Variants in REL observed in about 807,000 individuals in gnomAD.
REL encodes REL proto-oncogene, NF-kB subunit, also known as proto-oncogene c-Rel.
In REL, 15 loss-of-function variants were observed where a neutral mutation model predicts 45.9. That is an observed-to-expected ratio of 0.33 (90% CI 0.22 to 0.50). REL has a LOEUF of 0.50. Ranked by LOEUF, REL falls within the 20% of genes least tolerant of loss-of-function variation. The pLI is 0.98. For synonymous variants in REL, 239 were observed against 242.1 expected, an observed-to-expected ratio of 0.99 and a Z score of 0.12; for missense variants, 601 against 715.2, an observed-to-expected ratio of 0.84 and a Z score of 1.82.
chr2:60,884,521 C>G (rs1037827270), intron 1 of REL, among the ~76,000 whole-genome samples: 1 of 151,874 alleles, frequency 6.6e-6, no homozygotes, highest in African/African-American at 2.4e-5. Flanking sequence ...GTTCCCAAAC[C>G]CATCTAAGGT....
In REL at chr2:60,881,787, G is replaced by T; in HGVS notation, c.-54G>T. 1 of 1,521,208 alleles carries T rather than the reference G, an allele frequency of 6.6e-7. No homozygotes were observed. Among genetic ancestry groups the T allele is most frequent in the African/African-American group, 1.4e-5 (1 of 71,226 alleles). 94.2% of individuals were successfully genotyped at this position (1,521,208 alleles called of 1,614,324 possible). On this transcript the variant is annotated 5_prime_UTR_variant, in exon 1 of 10. Coordinates refer to ENST00000394479, the MANE Select transcript of REL (RefSeq NM_001291746.2). ...GCCTCCTGACTGACTGACTGCGGCC[G>T]CCTCCGGCCAGGACGCTGGGAGCTG...
chr2:60,920,350 G>GC, intron 8 of REL: 4 of 616,516 alleles, frequency 6.5e-6, no homozygotes, highest in Non-Finnish European at 1.2e-5. Flanking sequence ...ACAGGCATGT[G>GC]CCACCACACC....
chr2:60,929,326 T>C lies in REL; in HGVS notation c.*6791T>C. 1 of 141,042 alleles carries C rather than the reference T, an allele frequency of 7.1e-6. No homozygotes were observed. Among genetic ancestry groups the C allele is most frequent in the Non-Finnish European group, 1.6e-5 (1 of 64,468 alleles). The allele number at this position is 141,042 out of a possible 1,614,324, so 8.7% of individuals were successfully genotyped here. On this transcript the variant is annotated 3_prime_UTR_variant, in exon 10 of 10. Coordinates refer to ENST00000394479, the MANE Select transcript of REL (RefSeq NM_001291746.2). ...CCCAGCCATCCCATTACTGGGTATA[T>C]ACCCAAAGGACTATAAATCATGCTG...
At position 60,922,239 on chromosome 2, in the gene REL, C is replaced by T. The variant is rs1264178405; in HGVS notation, c.1468C>T (p.Pro490Ser). 2.5e-6 allele frequency: 4 copies of T among 1,613,906 alleles called. No individual in the cohort carries two copies. Among genetic ancestry groups the T allele is most frequent in the East Asian group, 4.5e-5 (2 of 44,880 alleles). ...PRLLSMNLEN[P>S]SCNSVLDPRD... The stretch of plus-strand genomic sequence containing the variant: ...ACTTCTGAGCATGAATCTTGAAAAC[C>T]CCTCATGTAATTCAGTGTTAGACCC... The change falls in exon 10 of 10, where the codon CCC (proline) becomes TCC (serine). Residue 490 changes from proline (P) to serine (S), a missense_variant. Around this residue, in one of 4 missense-constraint regions of REL, gnomAD observed 334 missense variants for 333.1 expected, o/e 1.00. Coordinates refer to ENST00000394479, the MANE Select transcript of REL (RefSeq NM_001291746.2).
At chr2:60,916,431 C>T (rs1297871868) in intron 4 of REL, among the ~76,000 whole-genome samples, 1 of 152,120 alleles carries the variant, frequency 6.6e-6, no homozygotes, top group East Asian at 1.9e-4. Context: ...ACGAACTAAA[C>T]TCAGTTCCTC....
At position 60,922,717 on chromosome 2, in the gene REL, A is replaced by T. The variant is rs1674177922; in HGVS notation, c.*182A>T. ...AGGGAAGAAGCATACAACTTTGGAC[A>T]TAGCGAATACAAAATTGGAAGCTGT... is the stretch of plus-strand genomic sequence containing the variant. On this transcript the variant is annotated 3_prime_UTR_variant, in exon 10 of 10. Transcript: ENST00000394479. 3.3e-6 allele frequency: 4 copies of T among 1,226,040 alleles called. No homozygotes were observed. The South Asian group carries it at 1.1e-4, about 34-fold the overall frequency. 75.9% of individuals were successfully genotyped at this position (1,226,040 alleles called of 1,614,324 possible). A position where few individuals can be genotyped will look rare whatever the true frequency, so the allele number is the denominator to read the frequency against.
rs781444204 is a variant in REL, at chr2:60,921,891, C to A, written c.1120C>A (p.Pro374Thr). Residue 374 changes from proline to threonine, a missense_variant, in exon 10 of 10, where the codon CCT becomes ACT. Physicochemically the swap from Pro to Thr is conservative, Grantham distance 38. This residue lies in a region of REL where 334 missense variants were observed against 333.1 expected (regional missense o/e 1.00). Transcript: ENST00000394479. ...SGLSHHASMA[P>T]LPSSSWSSVA... is the part of the protein sequence containing the mutation. ...ATTGTCACATCATGCCTCAATGGCACCTCTGCCTTCTTCAAGCTGGTCATC... is the reference window on the plus strand; with the variant it reads ...ATTGTCACATCATGCCTCAATGGCAACTCTGCCTTCTTCAAGCTGGTCATC... 1 of 1,614,098 alleles carries A rather than the reference C, an allele frequency of 6.2e-7. No individual in the cohort carries two copies. The highest frequency in any genetic ancestry group is 8.5e-7 in the Non-Finnish European group (1 of 1,180,034).
At position 60,922,219 on chromosome 2, in the gene REL, T is replaced by C; in HGVS notation, c.1448T>C (p.Leu483Pro). 6.2e-7 allele frequency: 1 copy of C among 1,614,196 alleles called. No individual in the cohort carries two copies. The highest frequency in any genetic ancestry group is 8.5e-7 in the Non-Finnish European group (1 of 1,180,032). Residue 483 changes from leucine (L) to proline (P), a missense_variant, in exon 10 of 10, where the codon CTG becomes CCG. Leu to Pro is a moderately conservative substitution (Grantham distance 98). Around this residue, in one of 4 missense-constraint regions of REL, gnomAD observed 334 missense variants for 333.1 expected, o/e 1.00. Transcript: ENST00000394479. ...GGAGAGACTGATAATCCAAGACTTCTGAGCATGAATCTTGAAAACCCCTCA... is the reference window on the plus strand; with the variant it reads ...GGAGAGACTGATAATCCAAGACTTCCGAGCATGAATCTTGAAAACCCCTCA... ...SMGETDNPRL[L>P]SMNLENPSCN...
At chr2:60,909,143 T>C (rs1673737824) in intron 4 of REL, among the ~76,000 whole-genome samples, 1 of 152,196 alleles carries the variant, frequency 6.6e-6, no homozygotes, top group Admixed American at 6.5e-5. Context: ...ATAATTTTAG[T>C]TTATGTATCT....
At position 60,925,913 on chromosome 2, in the gene REL, T is replaced by TG. The variant is rs1362170004; in HGVS notation, c.*3379dup. 4.4e-6 allele frequency: 1 copy of TG among 225,792 alleles called. No individual in the cohort carries two copies. Among genetic ancestry groups the TG allele is most frequent in the Non-Finnish European group, 8.8e-6 (1 of 113,188 alleles). 14.0% of individuals were successfully genotyped at this position (225,792 alleles called of 1,614,324 possible). A position where few individuals can be genotyped will look rare whatever the true frequency, so the allele number is the denominator to read the frequency against. On this transcript the variant is annotated 3_prime_UTR_variant, in exon 10 of 10. Transcript: ENST00000394479. ...AAATAAGTGTTGGCTAGTTTTGCGG[T>TG]GTAAGCAGAATTAAGGTTCTGCTAC...
chr2:60,889,609 C>G (rs536324262), intron 1 of REL, among the ~76,000 whole-genome samples: 1 of 151,966 alleles, frequency 6.6e-6, no homozygotes, highest in African/African-American at 2.4e-5. Context: ...TGCTTTCCCT[C>G]CCCCCTTCCC....
chr2:60,916,694 A>C (rs1673970383), intron 4 of REL, among the ~76,000 whole-genome samples, 183 bp from the exon 5 acceptor site: 1 of 152,202 alleles, frequency 6.6e-6, no homozygotes. Flanking sequence ...AAATACTGTT[A>C]GATAGTGATT....
At chr2:60,905,024 T>C (rs1043246742) in intron 4 of REL, among the ~76,000 whole-genome samples, 1 of 152,174 alleles carries the variant, frequency 6.6e-6, no homozygotes, top group African/African-American at 2.4e-5. Flanking sequence ...GGATGAATAT[T>C]GATTTGGGGA....
rs148958142 is a variant in REL, at chr2:60,894,635, G to T, written c.302+90G>T. On this transcript the variant is annotated intron_variant, in intron 3 of 9. Transcript: ENST00000394479. ...CATGACAATCTGTTACTTTTTAGCA[G>T]AATAATTTTCTCATTCTACTTCTAT... The T allele has an allele frequency of 7.7e-4, 817 of 1,054,366 alleles. 8 individuals carry two copies. The African/African-American group carries it at 0.011, about 15-fold the overall frequency. The allele number at this position is 1,054,366 out of a possible 1,614,324, so 65.3% of individuals were successfully genotyped here.
rs1558827804 is a variant in REL, at chr2:60,925,848, G to T, written c.*3313G>T. On this transcript the variant is annotated 3_prime_UTR_variant, in exon 10 of 10. Transcript: ENST00000394479. ...TATAAGTAAGTATAAGCCGAATTAA[G>T]GTTCTGCTACATCTGTGTTTAGAAT... 1 of 220,038 alleles carries T rather than the reference G, an allele frequency of 4.5e-6. No individual in the cohort carries two copies. Among genetic ancestry groups the T allele is most frequent in the Non-Finnish European group, 9.1e-6 (1 of 109,604 alleles). The allele number at this position is 220,038 out of a possible 1,614,324, so 13.6% of individuals were successfully genotyped here. A position where few individuals can be genotyped will look rare whatever the true frequency, so the allele number is the denominator to read the frequency against.
At chr2:60,899,444 A>T (rs1673439249) in intron 3 of REL, 1 of 152,222 alleles carries the variant, frequency 6.6e-6, no homozygotes, top group Non-Finnish European at 1.5e-5. Flanking sequence ...GTATGGTGCC[A>T]CTGCATTCCA....
chr2:60,889,536 C>T (rs1673155836), intron 1 of REL, among the ~76,000 whole-genome samples: 1 of 151,954 alleles, frequency 6.6e-6, no homozygotes, highest in African/African-American at 2.4e-5. Flanking sequence ...CATATGTATA[C>T]ATGTGCCATG....
chr2:60,919,575 G>A (rs1455777401), intron 7 of REL, among the ~76,000 whole-genome samples: 4 of 151,874 alleles, frequency 2.6e-5, no homozygotes, highest in South Asian at 4.2e-4. Context: ...ACAGGCATGC[G>A]CCACCACACC....
chr2:60,897,997 A>G (rs1366619355), intron 3 of REL, among the ~76,000 whole-genome samples: 1 of 152,118 alleles, frequency 6.6e-6, no homozygotes, highest in Non-Finnish European at 1.5e-5. Context: ...AAAGACCTAT[A>G]GGTGTCATCT....
Sources: gnomAD v4.1 joint callset for allele counts (sites outside exome capture counted in the v4.1 genomes callset) on GRCh38, gnomAD v4.1.1 for gene constraint, gnomAD v4.1.1 regional missense constraint, MANE v1.5 for transcripts, NCBI Gene and HGNC (gene_info 2026-07-23, HGNC 2026-07-21) for gene names.